The following CLCN3 variants were observed in gnomAD, a reference collection of about 807,000 sequenced individuals.
The protein encoded by CLCN3 is Cl-/H+ antiporter 3, also known as H(+)/Cl(-) exchange transporter 3.
In CLCN3, 16 loss-of-function variants were observed where a neutral mutation model predicts 83.4. The observed-to-expected ratio is 0.19, with a 90% CI of 0.13 to 0.29. The LOEUF (loss-of-function observed/expected upper bound fraction) is 0.29, where lower values mean the gene tolerates loss of function less well. CLCN3 is among the 10% of genes least tolerant of loss of function. The pLI, the probability that CLCN3 is intolerant of heterozygous loss-of-function variation, is 1.00. For missense variants in CLCN3, 544 were observed against 1,006.0 expected, an observed-to-expected ratio of 0.54 and a Z score of 6.21; for synonymous variants, 322 against 346.2, an observed-to-expected ratio of 0.93 and a Z score of 0.78.
In CLCN3 at chr4:169,722,011, G is replaced by T. The variant is rs1314739232; in HGVS notation, c.*2014G>T. Reference sequence around the variant, plus strand: ...TTTTTGTATTTTTAGTAGAGATGGGGTTTTGCCATGCTGCCCAGGCTGGTC... The same window carrying T: ...TTTTTGTATTTTTAGTAGAGATGGGTTTTTGCCATGCTGCCCAGGCTGGTC... On this transcript the variant is annotated 3_prime_UTR_variant, in exon 13 of 13. Transcript: ENST00000513761. The T allele has an allele frequency of 2.0e-5, 3 of 152,140 alleles. No homozygotes were observed. Among genetic ancestry groups the T allele is most frequent in the Non-Finnish European group, 4.4e-5 (3 of 68,064 alleles). 9.4% of individuals were successfully genotyped at this position (152,140 alleles called of 1,614,324 possible). A position where few individuals can be genotyped will look rare whatever the true frequency, so the allele number is the denominator to read the frequency against.
intron 1 of CLCN3, among the ~76,000 whole-genome samples, chr4:169,623,196 T>C (rs2150194081): frequency 6.6e-6 from 1 of 152,300 alleles, no homozygotes; most frequent in South Asian, 2.1e-4. Context: ...ATGAAGACTA[T>C]TTAGTTTTCA....
Position 169,636,094 on chromosome 4 carries a change from T to G in CLCN3, c.160+6T>G. 3 of 1,609,452 alleles carry G rather than the reference T, an allele frequency of 1.9e-6. No individual in the cohort carries two copies. Among genetic ancestry groups the G allele is most frequent in the Non-Finnish European group, 2.5e-6 (3 of 1,177,578 alleles). On this transcript the variant is annotated splice_donor_region_variant and intron_variant, in intron 2 of 12. Transcript: ENST00000513761. The stretch of plus-strand genomic sequence containing the variant: ...AGATGGTGACACTGCAGTTGGTAAG[T>G]TCAGCATGACAGCCTAATGTTTGTA...
At position 169,707,286 on chromosome 4, in the gene CLCN3, T is replaced by C; in HGVS notation, c.2149+20T>C. ...CAATAGGTACCCTTTCAAAAATATA[T>C]ATATGTATATATGAGATGGATTTCT... On this transcript the variant is annotated intron_variant, in intron 11 of 12. Transcript: ENST00000513761. 1 of 1,501,762 alleles carries C rather than the reference T, an allele frequency of 6.7e-7. No individual in the cohort carries two copies. Among genetic ancestry groups the C allele is most frequent in the South Asian group, 1.4e-5 (1 of 73,908 alleles). The allele number at this position is 1,501,762 out of a possible 1,614,324, so 93.0% of individuals were successfully genotyped here. A position where few individuals can be genotyped will look rare whatever the true frequency, so the allele number is the denominator to read the frequency against.
intron 5 of CLCN3, 29 bp downstream of exon 5, chr4:169,689,259 T>G (rs1454550947): frequency 6.4e-7 from 1 of 1,561,006 alleles, no homozygotes. Context: ...CAAGATGAAT[T>G]AATAATTGAT....
chr4:169,709,200 A>G (rs1004119084), intron 11 of CLCN3, among the ~76,000 whole-genome samples: 12 of 150,292 alleles, frequency 8.0e-5, no homozygotes, highest in African/African-American at 2.7e-4. Context: ...ATTGATATAT[A>G]TAATGATAAA....
intron 1 of CLCN3, among the ~76,000 whole-genome samples, chr4:169,624,852 C>T (rs186828833): frequency 1.3e-5 from 2 of 152,012 alleles, no homozygotes; most frequent in Admixed American, 1.3e-4. Context: ...AGTGCAGTGG[C>T]GCGATCTCAG....
At chr4:169,676,319 A>G (rs1036301510) in intron 2 of CLCN3, among the ~76,000 whole-genome samples, 2 of 152,178 alleles carry the variant, frequency 1.3e-5, no homozygotes, top group Non-Finnish European at 2.9e-5. Flanking sequence ...TGGTTCAATT[A>G]AATATTTAAG....
rs375360728 is a variant in CLCN3, at chr4:169,631,930, A to C, written c.-16-3983A>C. Among the ~76,000 whole-genome samples the C allele has an allele frequency of 5.3e-5, 8 of 152,286 alleles. No individual in the cohort carries two copies. In the East Asian group the frequency reaches 1.2e-3, roughly 22 times the overall value. On this transcript the variant is annotated intron_variant, in intron 1 of 12. Coordinates refer to ENST00000513761, the MANE Select transcript of CLCN3 (RefSeq NM_001829.4). ...TTCCAAAATGGAATCGGTAATAAAA[A>C]ATCTACCAACCAGAAAAGCCCTGGA... is the stretch of plus-strand genomic sequence containing the variant.
At chr4:169,644,426 T>G (rs1730513541) in intron 2 of CLCN3, among the ~76,000 whole-genome samples, 4 of 152,018 alleles carry the variant, frequency 2.6e-5, no homozygotes, top group Admixed American at 2.6e-4. Flanking sequence ...CCTGGCTAAT[T>G]TTTGTCTTTT....
intron 2 of CLCN3, chr4:169,663,727 T>A (rs1731147728): frequency 3.2e-6 from 1 of 308,328 alleles, no homozygotes; most frequent in Non-Finnish European, 6.5e-6. Context: ...CATTTTCTAG[T>A]TGACAAGACT....
intron 10 of CLCN3, among the ~76,000 whole-genome samples, 165 bp downstream of exon 10, chr4:169,704,349 T>C (rs1732910800): frequency 6.6e-6 from 1 of 152,220 alleles, no homozygotes; most frequent in Non-Finnish European, 1.5e-5. Flanking sequence ...ATTAGGGTAT[T>C]ATACAGTACC....
intron 2 of CLCN3, among the ~76,000 whole-genome samples, chr4:169,665,967 T>A (rs930027040): frequency 1.4e-4 from 21 of 150,790 alleles, no homozygotes; most frequent in African/African-American, 5.1e-4. Context: ...GGCGCAGCAA[T>A]TAAGGTTGTG....
intron 2 of CLCN3, among the ~76,000 whole-genome samples, chr4:169,669,202 G>A (rs952014184): frequency 1.3e-4 from 20 of 152,210 alleles, no homozygotes; most frequent in African/African-American, 4.1e-4. Flanking sequence ...TGGTAGTGGG[G>A]TTGGAGAAAA....
intron 2 of CLCN3, among the ~76,000 whole-genome samples, chr4:169,640,965 TTTACTTG>T (rs1175904088): frequency 1.3e-4 from 20 of 152,296 alleles, no homozygotes; most frequent in African/African-American, 4.6e-4. Context: ...ACCTGAAATG[TTTACTTG>T]ACAACATCAA....
At chr4:169,626,733 T>C (rs1005944586) in intron 1 of CLCN3, among the ~76,000 whole-genome samples, 2 of 152,142 alleles carry the variant, frequency 1.3e-5, no homozygotes, top group Non-Finnish European at 2.9e-5. Context: ...ATCCCATCAC[T>C]TTGGAAGGCC....
At chr4:169,707,770 T>C (rs1667141711) in intron 11 of CLCN3, among the ~76,000 whole-genome samples, 1 of 152,228 alleles carries the variant, frequency 6.6e-6, no homozygotes, top group Admixed American at 6.5e-5. Flanking sequence ...TGACAATCAC[T>C]GAGATTTTTA....
intron 10 of CLCN3, among the ~76,000 whole-genome samples, chr4:169,705,868 A>G (rs772967950): frequency 7.9e-5 from 12 of 152,106 alleles, no homozygotes; most frequent in Non-Finnish European, 1.3e-4. Context: ...ATAAAATGGT[A>G]TTATAATTAA....
chr4:169,694,722 C>T (rs1448598637), intron 7 of CLCN3, among the ~76,000 whole-genome samples: 1 of 152,032 alleles, frequency 6.6e-6, no homozygotes, highest in African/African-American at 2.4e-5. Context: ...GCCTGTAATC[C>T]CAGCTACTCG....
rs1733017164 is a variant in CLCN3, at chr4:169,706,944, C to T, written c.1827C>T (p.Pro609=). 17 of 1,614,052 alleles carry T rather than the reference C, an allele frequency of 1.1e-5. No individual in the cohort carries two copies. Among genetic ancestry groups the T allele is most frequent in the Non-Finnish European group, 1.4e-5 (17 of 1,179,964 alleles). The change falls in exon 11 of 13, where the codon CCC becomes CCT. Residue 609 remains proline (P), a synonymous_variant. Transcript: ENST00000513761. ...CTGGAGGCTTGGAATATATTGTTCC[C>T]CTTATGGCTGCAGTCATGACCAGTA... The part of the protein sequence containing the change: ...ELTGGLEYIV[P]LMAAVMTSKW...
Sources: gnomAD v4.1 joint callset for allele counts (sites outside exome capture counted in the v4.1 genomes callset) on GRCh38, gnomAD v4.1.1 for gene constraint, MANE v1.5 for transcripts, NCBI Gene and HGNC (gene_info 2026-07-23, HGNC 2026-07-21) for gene names.